PARVA: variants seen among roughly 807,000 people sequenced by gnomAD.
PARVA encodes alpha-parvin.
A neutral mutation model predicts 52.6 loss-of-function variants in PARVA; 25 were observed. That is an observed-to-expected ratio of 0.48 (90% CI 0.35 to 0.66). The LOEUF (loss-of-function observed/expected upper bound fraction) is 0.66. Ranked by LOEUF, PARVA falls within the 30% of genes least tolerant of loss-of-function variation. The pLI is 0.01. For synonymous variants in PARVA, 185 were observed against 179.1 expected, an observed-to-expected ratio of 1.03 and a Z score of -0.26; for missense variants, 373 against 450.9, an observed-to-expected ratio of 0.83 and a Z score of 1.56.
intron 1 of PARVA, among the ~76,000 whole-genome samples, chr11:12,444,769 T>C (rs1342861669): frequency 1.3e-5 from 2 of 152,140 alleles, no homozygotes; most frequent in African/African-American, 2.4e-5. Context: ...TATTACTACA[T>C]AGATGAACCC....
At chr11:12,487,951 TTC>T (rs1186393643) in intron 4 of PARVA, among the ~76,000 whole-genome samples, 2 of 152,192 alleles carry the variant, frequency 1.3e-5, no homozygotes, top group East Asian at 3.8e-4. Flanking sequence ...AGCTTGAATT[TTC>T]TCTGTTTGTA....
intron 1 of PARVA, among the ~76,000 whole-genome samples, chr11:12,412,075 T>C (rs1399980824): frequency 6.6e-6 from 1 of 152,070 alleles, no homozygotes; most frequent in Non-Finnish European, 1.5e-5. Flanking sequence ...CCTGATGCAA[T>C]TCCCACTTTC....
rs1589994401 is a variant in PARVA at position 12,527,936 on chromosome 11, T to C, written c.*11T>C. 1.2e-6 allele frequency: 2 copies of C among 1,600,120 alleles called. No individual in the cohort carries two copies. Among genetic ancestry groups the C allele is most frequent in the East Asian group, 2.2e-5 (1 of 44,824 alleles). ...CGTAACGTGGAGTGAGGGGCTGCCC[T>C]GGGCCCACCACTGCCCAAGAGTTCT... On this transcript the variant is annotated 3_prime_UTR_variant, in exon 13 of 13. Transcript: ENST00000334956.
At chr11:12,515,090 C>CT (rs1941551361) in intron 10 of PARVA, among the ~76,000 whole-genome samples, 2 of 152,334 alleles carry the variant, frequency 1.3e-5, no homozygotes, top group East Asian at 3.9e-4. Flanking sequence ...AGGAGGCACT[C>CT]TGTCCATTAG....
At chr11:12,376,575 A>G (rs1483930119), upstream of PARVA, among the ~76,000 whole-genome samples, 11 of 152,224 alleles carry the variant, frequency 7.2e-5, no homozygotes, top group Non-Finnish European at 1.0e-4. Context: ...TCTGCTCTTC[A>G]GTAAAGCAGT....
chr11:12,393,578 C>T (rs1386140150), intron 1 of PARVA, among the ~76,000 whole-genome samples: 1 of 152,136 alleles, frequency 6.6e-6, no homozygotes, highest in African/African-American at 2.4e-5. Context: ...TTCAAATCCT[C>T]ATCACTCAGC....
chr11:12,478,000 G>C, intron 4 of PARVA, 51 bp downstream of exon 4: 1 of 965,146 alleles, frequency 1.0e-6, no homozygotes, highest in South Asian at 1.3e-5. Context: ...CAGGTGGTTG[G>C]ATCACCTACT....
At chr11:12,469,909 T>G (rs924036223) in intron 1 of PARVA, among the ~76,000 whole-genome samples, 1 of 152,186 alleles carries the variant, frequency 6.6e-6, no homozygotes, top group Non-Finnish European at 1.5e-5. Flanking sequence ...CAGACCCACC[T>G]TTAGGAGTCC....
chr11:12,377,330 C>A, upstream of PARVA: 4 of 1,002,246 alleles, frequency 4.0e-6, no homozygotes, highest in Non-Finnish European at 5.3e-6. Flanking sequence ...AGCTTTCCGG[C>A]TCGACCGCTC....
At chr11:12,441,053 G>C (rs1940459609) in intron 1 of PARVA, among the ~76,000 whole-genome samples, 1 of 152,144 alleles carries the variant, frequency 6.6e-6, no homozygotes, top group Admixed American at 6.5e-5. Context: ...ACAGGATTTT[G>C]CCTACCACTG....
intron 1 of PARVA, among the ~76,000 whole-genome samples, chr11:12,403,219 C>A (rs1375465491): frequency 6.6e-6 from 1 of 152,266 alleles, no homozygotes; most frequent in African/African-American, 2.4e-5. Flanking sequence ...GTCCCCCTCC[C>A]TCTTCCATTC....
chr11:12,417,458 C>T (rs891761739), intron 1 of PARVA, among the ~76,000 whole-genome samples: 1 of 151,978 alleles, frequency 6.6e-6, no homozygotes, highest in Non-Finnish European at 1.5e-5. Context: ...TATGTTTATA[C>T]TTGCATTGAA....
At chr11:12,445,570 T>C (rs1940533527) in intron 1 of PARVA, among the ~76,000 whole-genome samples, 1 of 152,130 alleles carries the variant, frequency 6.6e-6, no homozygotes, top group African/African-American at 2.4e-5. Context: ...AATACCAGGC[T>C]CTTTGTAACA....
chr11:12,479,145 T>C (rs924957469), intron 4 of PARVA: 6 of 152,242 alleles, frequency 3.9e-5, no homozygotes, highest in Admixed American at 3.9e-4. Context: ...GCCACACATA[T>C]TAACATGCCT....
intron 1 of PARVA, among the ~76,000 whole-genome samples, chr11:12,429,767 C>T (rs996926029): frequency 6.6e-5 from 10 of 152,182 alleles, no homozygotes; most frequent in Non-Finnish European, 7.4e-5. Context: ...CAGACCTTGG[C>T]GATGACCTTG....
chr11:12,383,208 A>G (rs892303213), intron 1 of PARVA, among the ~76,000 whole-genome samples: 1 of 151,860 alleles, frequency 6.6e-6, no homozygotes, highest in African/African-American at 2.4e-5. Flanking sequence ...TTTCAATTCC[A>G]TTTCTGTTGG....
chr11:12,420,405 T>C lies in PARVA; in HGVS notation c.136+42622T>C, dbSNP rs533086716. Among the ~76,000 whole-genome samples, 215 of 152,316 alleles carry C rather than the reference T, an allele frequency of 1.4e-3. 2 individuals carry two copies. The highest frequency in any genetic ancestry group is 6.2e-4 in the Non-Finnish European group (42 of 68,020). ...GTGAGGAAACGTAGGTTTAAACCTT[T>C]TGTTCTGTTTGGAAGTGTAAACAGT... On this transcript the variant is annotated intron_variant, in intron 1 of 12. Transcript: ENST00000334956.
chr11:12,426,861 C>T (rs537365961), intron 1 of PARVA, among the ~76,000 whole-genome samples: 1 of 152,122 alleles, frequency 6.6e-6, no homozygotes, highest in South Asian at 2.1e-4. Flanking sequence ...GGTAAGAGGC[C>T]ATAGCTTGGA....
intron 12 of PARVA, among the ~76,000 whole-genome samples, chr11:12,525,633 A>C (rs1392470033): frequency 6.6e-6 from 1 of 152,186 alleles, no homozygotes; most frequent in Non-Finnish European, 1.5e-5. Context: ...ATGGGATTCC[A>C]TCTGGCAGAA....
Sources: allele counts gnomAD v4.1 joint callset (sites outside exome capture counted in the v4.1 genomes callset), GRCh38; gene constraint gnomAD v4.1.1; transcripts MANE v1.5; gene names NCBI Gene and HGNC (gene_info 2026-07-23, HGNC 2026-07-21).